The following SHISA9 variants were observed in gnomAD, a reference collection of about 807,000 sequenced individuals.
SHISA9 encodes shisa family member 9.
SHISA9 carries 13 observed loss-of-function variants against 38.0 expected under a neutral mutation model. The observed-to-expected ratio is 0.34, with a 90% CI of 0.22 to 0.54. The LOEUF is 0.54. SHISA9 is among the 20% of genes least tolerant of loss of function. SHISA9 has a pLI of 0.91. For missense variants in SHISA9, 538 were observed against 575.8 expected, an observed-to-expected ratio of 0.93 and a Z score of 0.67; for synonymous variants, 275 against 242.0, an observed-to-expected ratio of 1.14 and a Z score of -1.27.
the SHISA9 span, among the ~76,000 whole-genome samples, chr16:13,469,381 GAAA>G: frequency 1.0e-5 from 1 of 100,392 alleles, no homozygotes; most frequent in African/African-American, 3.8e-5. Flanking sequence ...AAGAAAGAAA[GAAA>G]GAAAGAAAGA....
chr16:13,093,932 G>C (rs1393597526), intron 2 of SHISA9, among the ~76,000 whole-genome samples: 2 of 152,112 alleles, frequency 1.3e-5, no homozygotes, highest in Non-Finnish European at 2.9e-5. Context: ...CTCCCCTTCT[G>C]TGGGCTCCTT....
At chr16:13,347,863 C>T in the SHISA9 span, among the ~76,000 whole-genome samples, 1 of 151,894 alleles carries the variant, frequency 6.6e-6, no homozygotes, top group South Asian at 2.1e-4. Context: ...ATGTCCACAT[C>T]TTAATCCCAA....
intron 2 of SHISA9, among the ~76,000 whole-genome samples, chr16:13,192,746 G>C (rs1567242058): frequency 6.6e-6 from 1 of 152,060 alleles, no homozygotes; most frequent in Non-Finnish European, 1.5e-5. Context: ...GTGGTGGCAC[G>C]CACCTGTGGT....
chr16:13,310,517 TA>T, the SHISA9 span, among the ~76,000 whole-genome samples: 3 of 152,106 alleles, frequency 2.0e-5, no homozygotes, highest in South Asian at 2.1e-4. Context: ...GATTATTTAA[TA>T]GGGGCATTCT....
At chr16:13,231,342 A>G (rs2051329824) in intron 4 of SHISA9, among the ~76,000 whole-genome samples, 2 of 152,188 alleles carry the variant, frequency 1.3e-5, no homozygotes, top group South Asian at 4.1e-4. Flanking sequence ...AATGACATAT[A>G]AATTTTGATG....
intron 2 of SHISA9, among the ~76,000 whole-genome samples, chr16:13,116,088 A>C (rs2074028494): frequency 6.6e-6 from 1 of 152,166 alleles, no homozygotes; most frequent in African/African-American, 2.4e-5. Flanking sequence ...CCTTCAGTGG[A>C]CTGTGAGTTT....
the SHISA9 span, among the ~76,000 whole-genome samples, chr16:13,478,154 A>G: frequency 3.3e-5 from 5 of 152,158 alleles, no homozygotes; most frequent in African/African-American, 1.2e-4. Flanking sequence ...TGCCGGGGAA[A>G]CATGTTGGGG....
At chr16:13,030,353 G>T (rs564281073) in intron 2 of SHISA9, among the ~76,000 whole-genome samples, 1 of 152,254 alleles carries the variant, frequency 6.6e-6, no homozygotes, top group South Asian at 2.1e-4. Flanking sequence ...GCCAATGGTA[G>T]CCACCCAGCT....
chr16:13,095,742 A>G (rs1271477799), intron 2 of SHISA9, among the ~76,000 whole-genome samples: 4 of 152,224 alleles, frequency 2.6e-5, no homozygotes, highest in Non-Finnish European at 5.9e-5. Context: ...AGCATTTCAC[A>G]TACTATCAGG....
the SHISA9 span, among the ~76,000 whole-genome samples, chr16:13,345,998 G>A: frequency 4.6e-5 from 7 of 152,070 alleles, no homozygotes; most frequent in South Asian, 1.2e-3. Context: ...AGTTTAAGGG[G>A]TACAAGTGCA....
the SHISA9 span, among the ~76,000 whole-genome samples, chr16:13,359,296 CA>C: frequency 6.6e-6 from 1 of 152,072 alleles, no homozygotes; most frequent in Non-Finnish European, 1.5e-5. Context: ...GCTTGGCTAT[CA>C]TGGTGAAACC....
Position 12,912,645 on chromosome 16 carries a change from C to G in SHISA9, c.564-4043C>G, listed in dbSNP as rs548530774. Among the ~76,000 whole-genome samples, 251 of 152,252 alleles carry G rather than the reference C, an allele frequency of 1.6e-3. 2 individuals are homozygous for G. Among genetic ancestry groups the G allele is most frequent in the African/African-American group, 5.9e-3 (245 of 41,532 alleles). On this transcript the variant is annotated intron_variant, in intron 1 of 4. Coordinates refer to ENST00000558583, the MANE Select transcript of SHISA9 (RefSeq NM_001145204.3). ...TCTTTTGTCTCAAAACTTTCTTTCC[C>G]TGTAGCCCCTTTGAGTTTCAGACCC...
intron 2 of SHISA9, among the ~76,000 whole-genome samples, chr16:13,137,072 C>A (rs1193371410): frequency 6.6e-6 from 1 of 152,192 alleles, no homozygotes; most frequent in Non-Finnish European, 1.5e-5. Flanking sequence ...GGCATTTCAA[C>A]AGAATGTATC....
At chr16:13,059,492 A>G (rs1159657316) in intron 2 of SHISA9, among the ~76,000 whole-genome samples, 1 of 151,922 alleles carries the variant, frequency 6.6e-6, no homozygotes, top group Non-Finnish European at 1.5e-5. Flanking sequence ...TGGGTGGGGG[A>G]CATCACATAC....
At chr16:12,963,718 G>C (rs2071940687) in intron 2 of SHISA9, among the ~76,000 whole-genome samples, 1 of 152,196 alleles carries the variant, frequency 6.6e-6, no homozygotes, top group African/African-American at 2.4e-5. Flanking sequence ...AAGGTGCCAG[G>C]TGGGATTTAA....
the SHISA9 span, among the ~76,000 whole-genome samples, chr16:13,270,271 C>G: frequency 6.6e-6 from 1 of 152,080 alleles, no homozygotes; most frequent in Non-Finnish European, 1.5e-5. Flanking sequence ...TTGCGCAAAG[C>G]CTGTAGAATT....
intron 4 of SHISA9, among the ~76,000 whole-genome samples, chr16:13,218,337 T>G (rs1008451048): frequency 1.3e-5 from 2 of 152,196 alleles, no homozygotes; most frequent in African/African-American, 4.8e-5. Flanking sequence ...GTGATTCTTA[T>G]GTACATTAGA....
chr16:12,951,516 A>G (rs2071757019), intron 2 of SHISA9, among the ~76,000 whole-genome samples: 1 of 152,172 alleles, frequency 6.6e-6, no homozygotes, highest in Non-Finnish European at 1.5e-5. Context: ...ATTATTTGCA[A>G]AAACAGGTGT....
At chr16:13,296,299 T>A in the SHISA9 span, among the ~76,000 whole-genome samples, 3 of 151,688 alleles carry the variant, frequency 2.0e-5, no homozygotes, top group Non-Finnish European at 4.4e-5. Flanking sequence ...GGTGGGAAAA[T>A]AAGTGGTTAC....
Sources: allele counts gnomAD v4.1 joint callset (sites outside exome capture counted in the v4.1 genomes callset), GRCh38; gene constraint gnomAD v4.1.1; transcripts MANE v1.5; gene names NCBI Gene and HGNC (gene_info 2026-07-23, HGNC 2026-07-21).